The following VPS41 variants were observed in gnomAD, a reference collection of about 807,000 sequenced individuals.
VPS41 encodes VPS41 subunit of HOPS complex.
In VPS41, 85 loss-of-function variants were observed where a neutral mutation model predicts 130.9. That is an observed-to-expected ratio of 0.65 (90% CI 0.55 to 0.78). The LOEUF (loss-of-function observed/expected upper bound fraction) is 0.78, where lower values mean the gene tolerates loss of function less well. Ranked by LOEUF, VPS41 falls within the 30% of genes least tolerant of loss-of-function variation. The probability of loss-of-function intolerance (pLI) is 0.00; values close to 1 mark genes in which losing one functional copy is unlikely to be tolerated. For synonymous variants in VPS41, 335 were observed against 332.9 expected (o/e 1.01, Z -0.07); for missense variants, 874 against 1,018.7 (o/e 0.86, Z 1.93).
At chr7:38,885,611 A>G (rs528669237) in intron 2 of VPS41, among the ~76,000 whole-genome samples, 10 of 152,346 alleles carry the variant, frequency 6.6e-5, no homozygotes, top group African/African-American at 2.4e-4. Flanking sequence ...ACTGTGGTCC[A>G]TATTAAATGA....
chr7:38,746,533 C>T (rs1263881164), intron 22 of VPS41, among the ~76,000 whole-genome samples: 2 of 151,930 alleles, frequency 1.3e-5, no homozygotes, highest in African/African-American at 4.8e-5. Context: ...CGCATTATTC[C>T]ACGATTAGAG....
chr7:38,864,207 T>C (rs1294161721), intron 3 of VPS41, among the ~76,000 whole-genome samples: 1 of 152,212 alleles, frequency 6.6e-6, no homozygotes, highest in Admixed American at 6.5e-5. Context: ...TAAAACGCTT[T>C]AATGCTGCCA....
rs79881334 is a variant in VPS41, at chr7:38,851,459, A to G, written c.246+11086T>C. ...AATCTGCCTTCTTTTACTTAACACA[A>G]TAGAGCTGAGATTCATCCATGCTTA... On this transcript the variant is annotated intron_variant, in intron 4 of 28. Transcript: ENST00000310301. Among the ~76,000 whole-genome samples, 87 of 152,316 alleles carry G rather than the reference A, an allele frequency of 5.7e-4. No individual in the cohort carries two copies. The East Asian group carries it at 0.016, about 28-fold the overall frequency.
At chr7:38,872,376 G>A (rs1050813501) in intron 2 of VPS41, among the ~76,000 whole-genome samples, 3 of 152,124 alleles carry the variant, frequency 2.0e-5, no homozygotes, top group Non-Finnish European at 4.4e-5. Flanking sequence ...TCAGTCATAC[G>A]GGTCAGTCAT....
intron 2 of VPS41, among the ~76,000 whole-genome samples, chr7:38,888,744 C>A (rs977272929): frequency 2.0e-5 from 3 of 152,196 alleles, no homozygotes; most frequent in Non-Finnish European, 4.4e-5. Flanking sequence ...CACCACATTG[C>A]ACTTATTCTA....
chr7:38,743,284 T>C (rs1018728384), intron 24 of VPS41, 118 bp downstream of exon 24: 1 of 1,130,694 alleles, frequency 8.8e-7, no homozygotes, highest in Non-Finnish European at 1.3e-6. Context: ...CCTATTTTTA[T>C]TGTAGGTACG....
At chr7:38,727,069 G>GA in intron 27 of VPS41, 81 bp from the exon 28 acceptor site, 1 of 1,323,108 alleles carries the variant, frequency 7.6e-7, no homozygotes, top group Non-Finnish European at 9.9e-7. Context: ...TGAAAGTCGA[G>GA]TTGCAGTTTA....
intron 22 of VPS41, among the ~76,000 whole-genome samples, chr7:38,747,288 A>G (rs1796005582): frequency 6.6e-6 from 1 of 152,220 alleles, no homozygotes; most frequent in Non-Finnish European, 1.5e-5. Flanking sequence ...GATTCAAACA[A>G]AAAACCACTG....
At chr7:38,889,954 T>G (rs1786825617) in intron 2 of VPS41, among the ~76,000 whole-genome samples, 1 of 152,102 alleles carries the variant, frequency 6.6e-6, no homozygotes, top group South Asian at 2.1e-4. Context: ...GGAAGTAAGG[T>G]TTCTACACTT....
chr7:38,737,857 A>C (rs77344122), intron 25 of VPS41, among the ~76,000 whole-genome samples: 1 of 152,312 alleles, frequency 6.6e-6, no homozygotes, highest in East Asian at 1.9e-4. Flanking sequence ...CCAGAGAGAA[A>C]TGTAGAGAAA....
chr7:38,748,256 T>C (rs766034976), intron 22 of VPS41, among the ~76,000 whole-genome samples: 3 of 151,914 alleles, frequency 2.0e-5, no homozygotes, highest in Non-Finnish European at 2.9e-5. Flanking sequence ...GCAGTGAAAA[T>C]AGAAGTGAAA....
rs192395909 is a variant in VPS41, at chr7:38,905,918, C to A, written c.21+3236G>T. On this transcript the variant is annotated intron_variant, in intron 1 of 28. Coordinates refer to ENST00000310301, the MANE Select transcript of VPS41 (RefSeq NM_014396.4). ...AAGTGATTCTCCTGCCTCAGCCTCC[C>A]GAGTAGCTGGGATTACAGGCGCCCA... Among the ~76,000 whole-genome samples, 91 of 152,114 alleles carry A rather than the reference C, an allele frequency of 6.0e-4. 1 individual carries two copies. Among genetic ancestry groups the A allele is most frequent in the African/African-American group, 2.0e-3 (83 of 41,484 alleles).
chr7:38,796,634 A>G (rs1395428781), intron 8 of VPS41, 111 bp downstream of exon 8: 1 of 1,529,840 alleles, frequency 6.5e-7, no homozygotes, highest in East Asian at 2.3e-5. Context: ...TACACCCTTT[A>G]GAAATCACCA....
chr7:38,858,164 G>A (rs377717594), intron 4 of VPS41, among the ~76,000 whole-genome samples: 14 of 152,284 alleles, frequency 9.2e-5, no homozygotes, highest in Admixed American at 3.3e-4. Flanking sequence ...GAAAGGGAAG[G>A]GGATTCTCTA....
intron 5 of VPS41, among the ~76,000 whole-genome samples, chr7:38,824,875 T>G (rs1584413880): frequency 1.3e-5 from 2 of 152,208 alleles, no homozygotes; most frequent in Non-Finnish European, 1.5e-5. Context: ...AAACAAATGA[T>G]GCATAAGCCT....
intron 18 of VPS41, 21 bp downstream of exon 18, chr7:38,758,333 G>T (rs760819668): frequency 6.3e-7 from 1 of 1,585,370 alleles, no homozygotes; most frequent in South Asian, 1.2e-5. Context: ...TATGGAAAAA[G>T]AAACACTTAA....
chr7:38,797,666 A>T (rs1243901251), intron 7 of VPS41, among the ~76,000 whole-genome samples: 1 of 152,242 alleles, frequency 6.6e-6, no homozygotes, highest in African/African-American at 2.4e-5. Flanking sequence ...AAATGCTGAC[A>T]ACAGATTCCA....
chr7:38,809,714 C>A (rs115985202), intron 7 of VPS41, among the ~76,000 whole-genome samples: 2 of 152,096 alleles, frequency 1.3e-5, no homozygotes, highest in African/African-American at 4.8e-5. Flanking sequence ...CTTGCCCCTG[C>A]GGCCAGGTCC....
At chr7:38,748,106 T>A (rs1197791492) in intron 22 of VPS41, among the ~76,000 whole-genome samples, 1 of 152,202 alleles carries the variant, frequency 6.6e-6, no homozygotes, top group Non-Finnish European at 1.5e-5. Context: ...TTGAGTAAAG[T>A]ATAAAAAGAA....
Sources: allele counts gnomAD v4.1 joint callset (sites outside exome capture counted in the v4.1 genomes callset), GRCh38; gene constraint gnomAD v4.1.1; transcripts MANE v1.5; gene names NCBI Gene and HGNC (gene_info 2026-07-23, HGNC 2026-07-21).